The following NRXN3 variants were observed in gnomAD, a reference collection of about 807,000 sequenced individuals.
NRXN3 encodes neurexin 3, also known as neurexin III.
NRXN3 carries 32 observed loss-of-function variants against 137.6 expected under a neutral mutation model. The observed-to-expected ratio is 0.23, with a 90% CI of 0.18 to 0.31. The LOEUF (loss-of-function observed/expected upper bound fraction) is 0.31. NRXN3 is among the 10% of genes least tolerant of loss of function. The pLI is 1.00. For missense variants in NRXN3, 1,574 were observed against 2,062.5 expected (o/e 0.76, Z 4.59); for synonymous variants, 798 against 784.5 (o/e 1.02, Z -0.29).
At chr14:78,938,842 A>ATTTTTCTTTTGTTTTTTTTTTCT (rs2099347054) in intron 10 of NRXN3, among the ~76,000 whole-genome samples, 1 of 134,370 alleles carries the variant, frequency 7.4e-6, no homozygotes, top group African/African-American at 3.0e-5. Context: ...GTCCAGAGTG[A>ATTTTTCTTTTGTTTTTTTTTTCT]TTTTTCTTTT....
rs1193859353 is a variant in NRXN3 at position 78,242,523 on chromosome 14, C to T, written c.-571C>T. On this transcript the variant is annotated 5_prime_UTR_variant, in exon 2 of 21. Transcript: ENST00000335750. ...GCATTGGGCTTCTAGCTGCCCCCCT[C>T]CCCACAGCCTGCCGCTGCTAGGAGG... 1.9e-5 allele frequency: 3 copies of T among 153,864 alleles called. No individual in the cohort carries two copies. The highest frequency in any genetic ancestry group is 7.2e-5 in the African/African-American group (3 of 41,472). 9.5% of individuals were successfully genotyped at this position (153,864 alleles called of 1,614,324 possible).
intron 4 of NRXN3, among the ~76,000 whole-genome samples, chr14:78,417,823 C>T (rs1428641557): frequency 6.6e-6 from 1 of 152,190 alleles, no homozygotes; most frequent in Non-Finnish European, 1.5e-5. Context: ...ATGGCACGAT[C>T]TGGTCTCACT....
rs1222299665 is a variant in NRXN3, at chr14:79,865,804, A to AT, written c.*3846dup. 2 of 151,850 alleles carry AT rather than the reference A, an allele frequency of 1.3e-5. No individual in the cohort carries two copies. Among genetic ancestry groups the AT allele is most frequent in the Non-Finnish European group, 1.5e-5 (1 of 67,998 alleles). 9.4% of individuals were successfully genotyped at this position (151,850 alleles called of 1,614,324 possible). ...CCACACCCAGCTCATTTTTTAATTT[A>AT]TTTTTTATTTTTTTAGTAAGGAAGG... is the stretch of plus-strand genomic sequence containing the variant. On this transcript the variant is annotated 3_prime_UTR_variant, in exon 21 of 21. Coordinates refer to ENST00000335750, the MANE Select transcript of NRXN3 (RefSeq NM_001330195.2).
At chr14:78,244,474 T>C (rs953845808) in intron 2 of NRXN3, among the ~76,000 whole-genome samples, 3 of 151,688 alleles carry the variant, frequency 2.0e-5, no homozygotes, top group Non-Finnish European at 4.4e-5. Context: ...AATTTCTACC[T>C]GTGTCTCTCC....
Position 79,164,493 on chromosome 14 carries a change from A to G in NRXN3, c.3262+176352A>G, listed in dbSNP as rs140417378. On this transcript the variant is annotated intron_variant, in intron 15 of 20. Transcript: ENST00000335750. ...ATTTCTTTGGTAAAAGCTATGGACT[A>G]TGGCCATTGCAGAATTATCATAATT... is the stretch of plus-strand genomic sequence containing the variant. 7.9e-5 allele frequency among the ~76,000 whole-genome samples: 12 copies of G among 152,094 alleles called. No individual in the cohort carries two copies. The East Asian group carries it at 1.7e-3, about 22-fold the overall frequency.
At chr14:79,667,434 G>A (rs1215011198) in intron 17 of NRXN3, among the ~76,000 whole-genome samples, 2 of 151,904 alleles carry the variant, frequency 1.3e-5, no homozygotes, top group African/African-American at 4.8e-5. Context: ...GCTGTGCACC[G>A]GGATGAATGG....
intron 15 of NRXN3, among the ~76,000 whole-genome samples, chr14:79,046,584 G>A (rs2099633399): frequency 6.6e-6 from 1 of 152,164 alleles, no homozygotes; most frequent in African/African-American, 2.4e-5. Flanking sequence ...GATGTCCACA[G>A]GGGACATAGG....
At chr14:79,641,916 T>G (rs1187859286) in intron 16 of NRXN3, among the ~76,000 whole-genome samples, 5 of 135,588 alleles carry the variant, frequency 3.7e-5, no homozygotes, top group African/African-American at 1.2e-4. Context: ...ACTGCTTAGA[T>G]GTCTATACTC....
At chr14:78,993,331 T>A (rs1004815008) in intron 15 of NRXN3, among the ~76,000 whole-genome samples, 1 of 152,210 alleles carries the variant, frequency 6.6e-6, no homozygotes, top group African/African-American at 2.4e-5. Context: ...GACAGATATG[T>A]GTATACTGAT....
At chr14:78,826,120 G>A (rs1212642879) in intron 10 of NRXN3, among the ~76,000 whole-genome samples, 2 of 152,106 alleles carry the variant, frequency 1.3e-5, no homozygotes, top group Non-Finnish European at 2.9e-5. Context: ...ATTCTCACAA[G>A]GATGATATGG....
intron 4 of NRXN3, among the ~76,000 whole-genome samples, chr14:78,572,447 C>A (rs1405517451): frequency 3.9e-5 from 6 of 152,152 alleles, no homozygotes; most frequent in African/African-American, 1.4e-4. Context: ...CAGGGAAGTT[C>A]TAGTGTTTTC....
intron 4 of NRXN3, among the ~76,000 whole-genome samples, chr14:78,311,078 T>G (rs938693920): frequency 2.0e-5 from 3 of 152,186 alleles, no homozygotes; most frequent in Non-Finnish European, 2.9e-5. Flanking sequence ...AAATGCCTAC[T>G]TGGTACATTT....
At chr14:78,173,470 G>A (rs923158140) in intron 1 of NRXN3, among the ~76,000 whole-genome samples, 2 of 143,660 alleles carry the variant, frequency 1.4e-5, no homozygotes, top group Admixed American at 6.8e-5. Context: ...ACAGTGGAGC[G>A]GTCGGGTTGG....
intron 10 of NRXN3, among the ~76,000 whole-genome samples, chr14:78,831,766 T>G (rs1302857924): frequency 6.6e-6 from 1 of 152,088 alleles, no homozygotes; most frequent in African/African-American, 2.4e-5. Flanking sequence ...TAATAAATAG[T>G]GGGACCCTCA....
At chr14:78,940,662 T>A (rs1423846633) in intron 10 of NRXN3, among the ~76,000 whole-genome samples, 1 of 152,254 alleles carries the variant, frequency 6.6e-6, no homozygotes, top group African/African-American at 2.4e-5. Flanking sequence ...TTGAATAGAA[T>A]GATTTTTATA....
In NRXN3 at chr14:79,861,086, C is replaced by T. The variant is rs2099413078; in HGVS notation, c.4094-256C>T. 7.0e-7 allele frequency: 1 copy of T among 1,429,014 alleles called. No homozygotes were observed. The highest frequency in any genetic ancestry group is 9.1e-7 in the Non-Finnish European group (1 of 1,094,220). The allele number at this position is 1,429,014 out of a possible 1,614,324, so 88.5% of individuals were successfully genotyped here. On this transcript the variant is annotated intron_variant, in intron 20 of 20. Transcript: ENST00000335750. The surrounding 1 kb of genome is among the most constrained non-coding windows in gnomAD (Gnocchi z 5.4). The stretch of plus-strand genomic sequence containing the variant: ...TCTTGTAGAAGACCCTTTAGCTACC[C>T]CTCCTATTGCTACTCGTGCACCTTC...
intron 15 of NRXN3, among the ~76,000 whole-genome samples, chr14:79,065,120 T>G (rs2099679172): frequency 1.3e-5 from 2 of 151,962 alleles, no homozygotes. Flanking sequence ...GCATATGTTA[T>G]TTTATGTAGT....
chr14:79,776,352 T>C (rs749582826), intron 19 of NRXN3, among the ~76,000 whole-genome samples: 5 of 152,182 alleles, frequency 3.3e-5, no homozygotes, highest in African/African-American at 4.8e-5. Flanking sequence ...ATTGACCAAA[T>C]TGAGGCTGTA....
At chr14:78,310,260 CTTTTTT>C (rs201314931) in intron 4 of NRXN3, among the ~76,000 whole-genome samples, 41,884 of 125,400 alleles carry the variant, frequency 0.33, 6,411 homozygotes, top group East Asian at 0.58. Context: ...TTATGAATGG[CTTTTTT>C]TTTTTTTTTT....
Sources: allele counts gnomAD v4.1 joint callset (sites outside exome capture counted in the v4.1 genomes callset), GRCh38; gene constraint gnomAD v4.1.1; non-coding constraint Gnocchi (gnomAD v3.1); transcripts MANE v1.5; gene names NCBI Gene and HGNC (gene_info 2026-07-23, HGNC 2026-07-21).